Variants in MRTFB observed in about 807,000 individuals in gnomAD.
MRTFB encodes myocardin-related transcription factor B.
A neutral mutation model predicts 104.2 loss-of-function variants in MRTFB; 29 were observed. The observed-to-expected ratio is 0.28, with a 90% CI of 0.21 to 0.38. The LOEUF (loss-of-function observed/expected upper bound fraction) is 0.38, where lower values mean the gene tolerates loss of function less well. Among genes scored for constraint, MRTFB ranks in the 10% least tolerant of loss-of-function variants. The pLI, the probability that MRTFB is intolerant of heterozygous loss-of-function variation, is 1.00. For synonymous variants in MRTFB, 535 were observed against 519.5 expected (o/e 1.03, Z -0.41); for missense variants, 1,270 against 1,341.6 (o/e 0.95, Z 0.83).
At chr16:14,081,095 G>A (rs941120507) in intron 2 of MRTFB, among the ~76,000 whole-genome samples, 1 of 152,058 alleles carries the variant, frequency 6.6e-6, no homozygotes, top group Non-Finnish European at 1.5e-5. Context: ...TTCCATAATG[G>A]CAATAATTTA....
intron 2 of MRTFB, among the ~76,000 whole-genome samples, chr16:14,126,350 G>A (rs1218529794): frequency 1.3e-5 from 2 of 152,076 alleles, no homozygotes; most frequent in Admixed American, 6.5e-5. Flanking sequence ...GAGCTAACCT[G>A]TATTATGCCT....
At chr16:14,205,834 A>G (rs903519111) in intron 3 of MRTFB, among the ~76,000 whole-genome samples, 9 of 152,188 alleles carry the variant, frequency 5.9e-5, no homozygotes, top group African/African-American at 1.4e-4. Context: ...TATGATGTCA[A>G]CCCAATAGTA....
At chr16:14,108,611 C>T (rs902958111) in intron 2 of MRTFB, among the ~76,000 whole-genome samples, 2 of 152,202 alleles carry the variant, frequency 1.3e-5, no homozygotes, top group African/African-American at 4.8e-5. Flanking sequence ...ACATTTAAGA[C>T]TCCTACCCCA....
chr16:14,148,409 A>G (rs1208621098), intron 3 of MRTFB, among the ~76,000 whole-genome samples: 1 of 152,190 alleles, frequency 6.6e-6, no homozygotes, highest in East Asian at 1.9e-4. Flanking sequence ...GAATACAGGG[A>G]ATGTACTGGA....
intron 2 of MRTFB, among the ~76,000 whole-genome samples, chr16:14,084,166 G>T (rs1294075647): frequency 6.6e-6 from 1 of 152,158 alleles, no homozygotes; most frequent in Non-Finnish European, 1.5e-5. Context: ...TCAACTGACT[G>T]TTACTATTTC....
chr16:14,135,903 C>T (rs1199269252), intron 2 of MRTFB, among the ~76,000 whole-genome samples: 2 of 152,150 alleles, frequency 1.3e-5, no homozygotes, highest in African/African-American at 4.8e-5. Flanking sequence ...AAACTCTGTG[C>T]CTGGTGAACT....
chr16:14,115,263 C>T (rs937225863), intron 2 of MRTFB, among the ~76,000 whole-genome samples: 51 of 152,314 alleles, frequency 3.3e-4, no homozygotes, highest in African/African-American at 1.1e-3. Context: ...GAATTATCAA[C>T]TAAATAAGTA....
intron 2 of MRTFB, among the ~76,000 whole-genome samples, chr16:14,127,058 G>T (rs939569651): frequency 6.6e-6 from 1 of 152,166 alleles, no homozygotes; most frequent in East Asian, 1.9e-4. Flanking sequence ...TTTCAAAGAG[G>T]CTTAGGGGGT....
chr16:14,182,247 G>C (rs377664273), intron 3 of MRTFB, among the ~76,000 whole-genome samples: 3 of 152,182 alleles, frequency 2.0e-5, no homozygotes, highest in Admixed American at 6.5e-5. Context: ...CCGTGGGAGA[G>C]GGGGAGGCAG....
At chr16:14,124,647 G>A (rs950800502) in intron 2 of MRTFB, among the ~76,000 whole-genome samples, 2 of 152,196 alleles carry the variant, frequency 1.3e-5, no homozygotes, top group Non-Finnish European at 2.9e-5. Context: ...TTGATGTGCT[G>A]CTGGATTCGG....
chr16:14,127,919 ATATATATATATT>A (rs1382123688), intron 2 of MRTFB, among the ~76,000 whole-genome samples: 1 of 39,318 alleles, frequency 2.5e-5, no homozygotes, highest in Non-Finnish European at 4.1e-5. Flanking sequence ...ATATATATAT[ATATATATATATT>A]TTTTTTTTTT....
intron 2 of MRTFB, among the ~76,000 whole-genome samples, chr16:14,106,941 A>T (rs2036011379): frequency 6.6e-6 from 1 of 152,260 alleles, no homozygotes; most frequent in Non-Finnish European, 1.5e-5. Flanking sequence ...TTTTCAGTAT[A>T]TCACAGTAGT....
intron 4 of MRTFB, among the ~76,000 whole-genome samples, chr16:14,212,058 C>T (rs1472812712): frequency 6.6e-6 from 1 of 152,232 alleles, no homozygotes; most frequent in African/African-American, 2.4e-5. Context: ...AGTCATCAGA[C>T]AGTCCCCTCG....
the MRTFB span, among the ~76,000 whole-genome samples, chr16:14,022,349 T>C: frequency 6.6e-6 from 1 of 152,226 alleles, no homozygotes; most frequent in Non-Finnish European, 1.5e-5. Flanking sequence ...TTAACAACTC[T>C]ATCATAATCC....
rs8056895 is a variant in MRTFB, at chr16:14,175,570, G to T, written c.155-34673G>T. Reference sequence around the variant, plus strand: ...ATACATTTATATTGAAGAAACCACTGTTCCTTTAAAAACTAAGCATACACT... The same window carrying T: ...ATACATTTATATTGAAGAAACCACTTTTCCTTTAAAAACTAAGCATACACT... On this transcript the variant is annotated intron_variant, in intron 3 of 16. Transcript: ENST00000571589. Among the ~76,000 whole-genome samples, 17 of 152,214 alleles carry T rather than the reference G, an allele frequency of 1.1e-4. No homozygotes were observed. The East Asian group carries it at 3.3e-3, about 29-fold the overall frequency.
At chr16:14,043,873 A>G in the MRTFB span, among the ~76,000 whole-genome samples, 1 of 152,190 alleles carries the variant, frequency 6.6e-6, no homozygotes, top group Non-Finnish European at 1.5e-5. Context: ...GCCTCTAAGA[A>G]CTCACCATCA....
At chr16:14,150,204 G>A (rs1399818994) in intron 3 of MRTFB, among the ~76,000 whole-genome samples, 1 of 152,216 alleles carries the variant, frequency 6.6e-6, no homozygotes. Flanking sequence ...TATCTGCAAA[G>A]TGGGGATCAC....
chr16:14,070,100 T>C (rs1434512692), upstream of MRTFB, among the ~76,000 whole-genome samples: 1 of 152,194 alleles, frequency 6.6e-6, no homozygotes, highest in Non-Finnish European at 1.5e-5. Context: ...GGTAAGCCCA[T>C]GCAGACGCTG....
intron 2 of MRTFB, among the ~76,000 whole-genome samples, chr16:14,082,953 T>C: frequency 6.6e-6 from 1 of 152,190 alleles, no homozygotes; most frequent in East Asian, 1.9e-4. Context: ...CTTTGGGTAG[T>C]ATGGTCATTT....
Sources: allele counts gnomAD v4.1 joint callset (sites outside exome capture counted in the v4.1 genomes callset), GRCh38; gene constraint gnomAD v4.1.1; transcripts MANE v1.5; gene names NCBI Gene and HGNC (gene_info 2026-07-23, HGNC 2026-07-21).